Variants in TMEM117 observed in about 807,000 individuals in gnomAD.
The protein encoded by TMEM117 is transmembrane protein 117.
Under a neutral mutation model 52.4 loss-of-function variants are expected in TMEM117, and 27 were observed. The observed-to-expected ratio is 0.51, with a 90% CI of 0.38 to 0.71. The LOEUF is 0.71. TMEM117 is among the 30% of genes least tolerant of loss of function. The probability of loss-of-function intolerance (pLI) is 0.00; values close to 1 mark genes in which losing one functional copy is unlikely to be tolerated. For missense variants in TMEM117, 556 were observed against 630.5 expected (o/e 0.88, Z 1.26); for synonymous variants, 215 against 206.3 (o/e 1.04, Z -0.36).
intron 2 of TMEM117, among the ~76,000 whole-genome samples, chr12:43,935,026 G>C (rs1235200112): frequency 6.6e-6 from 1 of 150,992 alleles, no homozygotes; most frequent in African/African-American, 2.4e-5. Flanking sequence ...TTTTTTGTTT[G>C]AGGCAAGGTC....
At chr12:44,322,820 C>T (rs1951149679) in intron 6 of TMEM117, among the ~76,000 whole-genome samples, 5 of 151,986 alleles carry the variant, frequency 3.3e-5, no homozygotes, top group Admixed American at 1.3e-4. Flanking sequence ...CCCCGCTGGC[C>T]GGCCCCCCAC....
chr12:44,161,268 A>G (rs1464567432), intron 4 of TMEM117, among the ~76,000 whole-genome samples: 1 of 152,224 alleles, frequency 6.6e-6, no homozygotes, highest in Non-Finnish European at 1.5e-5. Context: ...AATTATAAAG[A>G]TAACCTATCA....
intron 5 of TMEM117, among the ~76,000 whole-genome samples, chr12:44,250,101 A>T (rs1176417655): frequency 1.3e-5 from 2 of 152,216 alleles, no homozygotes; most frequent in East Asian, 3.8e-4. Context: ...CATCTGACAA[A>T]GGTTCAATAT....
At chr12:44,234,355 C>T (rs1949968830) in intron 5 of TMEM117, among the ~76,000 whole-genome samples, 1 of 151,238 alleles carries the variant, frequency 6.6e-6, no homozygotes, top group Admixed American at 6.6e-5. Context: ...CAGCATTTGT[C>T]CAGTTTTTTC....
At chr12:44,384,226 C>T (rs1952058530) in intron 7 of TMEM117, among the ~76,000 whole-genome samples, 1 of 152,034 alleles carries the variant, frequency 6.6e-6, no homozygotes, top group Non-Finnish European at 1.5e-5. Flanking sequence ...GATAAATGAA[C>T]TAGAGGTCAT....
chr12:44,247,078 T>C (rs1271392532), intron 5 of TMEM117, among the ~76,000 whole-genome samples: 1 of 152,222 alleles, frequency 6.6e-6, no homozygotes, highest in Non-Finnish European at 1.5e-5. Context: ...CTTAAGAGTA[T>C]GTCAGGCAAT....
At chr12:44,032,022 A>C (rs1272348712) in intron 3 of TMEM117, among the ~76,000 whole-genome samples, 1 of 152,192 alleles carries the variant, frequency 6.6e-6, no homozygotes, top group Non-Finnish European at 1.5e-5. Flanking sequence ...CTTTCTAACA[A>C]GTCCAGGAGC....
At chr12:44,289,035 C>G (rs568085121) in intron 5 of TMEM117, among the ~76,000 whole-genome samples, 1 of 152,086 alleles carries the variant, frequency 6.6e-6, no homozygotes, top group Non-Finnish European at 1.5e-5. Flanking sequence ...ACTCATAATC[C>G]CTGATATCTG....
Position 44,210,545 on chromosome 12 carries a change from G to T in TMEM117, c.511-745G>T, listed in dbSNP as rs755947529. 2.3e-4 allele frequency among the ~76,000 whole-genome samples: 35 copies of T among 152,232 alleles called. 1 individual carries two copies. Among genetic ancestry groups the T allele is most frequent in the Admixed American group, 7.2e-4 (11 of 15,266 alleles). ...TTGACATTCTTAGAAGAGGTAGAAA[G>T]ATCTTCACTGGCAAGGATTTCAAAG... On this transcript the variant is annotated intron_variant, in intron 4 of 7. Coordinates refer to ENST00000266534, the MANE Select transcript of TMEM117 (RefSeq NM_032256.3).
chr12:44,214,054 A>G (rs143643985), intron 5 of TMEM117, among the ~76,000 whole-genome samples: 1,742 of 151,760 alleles, frequency 0.011, 22 homozygotes, highest in South Asian at 0.052. Context: ...GTTTCAGAGG[A>G]GAGAAATCCA....
Position 44,257,600 on chromosome 12 carries a change from G to A in TMEM117, c.609-41980G>A, listed in dbSNP as rs17094351. Among the ~76,000 whole-genome samples the A allele has an allele frequency of 2.4e-3, 360 of 152,152 alleles. 11 individuals are homozygous for A. The East Asian group carries it at 0.034, about 14-fold the overall frequency. On this transcript the variant is annotated intron_variant, in intron 5 of 7. Transcript: ENST00000266534. ...TTTCTCCTGACCAGAATTTTCACTGGTATTGGGGCAAATTGCCATATAGAT... is the reference window on the plus strand; with the variant it reads ...TTTCTCCTGACCAGAATTTTCACTGATATTGGGGCAAATTGCCATATAGAT...
At chr12:44,058,646 G>A (rs546598382) in intron 3 of TMEM117, among the ~76,000 whole-genome samples, 3 of 152,182 alleles carry the variant, frequency 2.0e-5, no homozygotes, top group African/African-American at 4.8e-5. Flanking sequence ...TCTTCTGTGC[G>A]AAGGAAGTGG....
chr12:43,838,365 A>T (rs771201004), intron 1 of TMEM117, among the ~76,000 whole-genome samples: 1 of 151,210 alleles, frequency 6.6e-6, no homozygotes, highest in Non-Finnish European at 1.5e-5. Flanking sequence ...TCCCCATACC[A>T]CTAATAGACA....
At chr12:44,390,008 T>G (rs547861068), downstream of TMEM117, among the ~76,000 whole-genome samples, 11 of 152,270 alleles carry the variant, frequency 7.2e-5, no homozygotes, top group African/African-American at 2.6e-4. Flanking sequence ...TAAATCTCTC[T>G]TGTTTTGATC....
At chr12:44,362,064 C>T (rs1023156444) in intron 6 of TMEM117, among the ~76,000 whole-genome samples, 2 of 152,142 alleles carry the variant, frequency 1.3e-5, no homozygotes, top group Non-Finnish European at 2.9e-5. Flanking sequence ...ATCCTCATCC[C>T]CCAGCTTAGG....
At chr12:44,102,905 A>T (rs1015271158) in intron 3 of TMEM117, among the ~76,000 whole-genome samples, 2 of 151,964 alleles carry the variant, frequency 1.3e-5, no homozygotes, top group African/African-American at 2.4e-5. Context: ...TGATGGTTTT[A>T]TAAGGAGATT....
chr12:43,950,592 A>G (rs1025387595), intron 3 of TMEM117, among the ~76,000 whole-genome samples: 4 of 152,048 alleles, frequency 2.6e-5, no homozygotes, highest in Admixed American at 2.6e-4. Context: ...CTCCAAAATA[A>G]TAATTGGTCG....
At position 44,181,123 on chromosome 12, in the gene TMEM117, ATG is replaced by A. The variant is rs1228123550; in HGVS notation, c.511-30163_511-30162del. 2.0e-5 allele frequency among the ~76,000 whole-genome samples: 3 copies of A among 151,500 alleles called. No homozygotes were observed. The East Asian group carries it at 5.8e-4, about 29-fold the overall frequency. On this transcript the variant is annotated intron_variant, in intron 4 of 7. Transcript: ENST00000266534. ...GGCCAGTGATGATGAGCATTTTTTC[ATG>A]TGTTTTTTGGCTGCATAAATGTCTT... is the stretch of plus-strand genomic sequence containing the variant.
chr12:44,200,401 T>C (rs1394153190), intron 4 of TMEM117, among the ~76,000 whole-genome samples: 1 of 152,174 alleles, frequency 6.6e-6, no homozygotes, highest in Non-Finnish European at 1.5e-5. Flanking sequence ...AAGACATTAA[T>C]AGAAAACATT....
Sources: gnomAD v4.1 joint callset for allele counts (sites outside exome capture counted in the v4.1 genomes callset) on GRCh38, gnomAD v4.1.1 for gene constraint, MANE v1.5 for transcripts, NCBI Gene and HGNC (gene_info 2026-07-23, HGNC 2026-07-21) for gene names.